LRCH2: variants seen among roughly 807,000 people sequenced by gnomAD.
The protein encoded by LRCH2 is leucine-rich repeat and calponin homology domain-containing protein 2.
LRCH2 carries 38 observed loss-of-function variants against 68.9 expected under a neutral mutation model. That is an observed-to-expected ratio of 0.55 (90% confidence interval 0.43 to 0.72). The LOEUF (loss-of-function observed/expected upper bound fraction) is 0.72. Ranked by LOEUF, LRCH2 falls within the 30% of genes least tolerant of loss-of-function variation. The pLI is 0.00. For synonymous variants in LRCH2, 191 were observed against 208.1 expected (o/e 0.92, Z 0.71); for missense variants, 528 against 572.9 (o/e 0.92, Z 0.80).
At chrX:115,127,976 A>G (rs1419432601) in intron 15 of LRCH2, among the ~76,000 whole-genome samples, 1 of 111,415 alleles carries the variant, frequency 9.0e-6, no homozygotes, top group Non-Finnish European at 1.9e-5. Context: ...CAAGCAAGGG[A>G]ATGGCCTGAT....
chrX:115,223,496 T>C (rs112108642), intron 1 of LRCH2, among the ~76,000 whole-genome samples: 2,898 of 109,957 alleles, frequency 0.026, 89 homozygotes, highest in African/African-American at 0.091. Context: ...GACACCCCAA[T>C]TAGTAAATGG....
chrX:115,122,865 A>T lies in LRCH2; in HGVS notation c.1995T>A (p.Pro665=), dbSNP rs2072155482. The T allele has an allele frequency of 8.3e-7, 1 of 1,209,015 alleles. No homozygotes were observed. The highest frequency in any genetic ancestry group is 1.7e-5 in the African/African-American group (1 of 57,807). Residue 665 remains proline (P), a synonymous_variant, in exon 19 of 21, where the codon CCT becomes CCA. Transcript: ENST00000317135. ...CCATCAGTGCAGCTCCAATGTCATC[A>T]GGCAAAATTACTTTTAACCTGGATT... The part of the protein sequence containing the change: ...NLESRLKVIL[P]DDIGAALMDG...
chrX:115,229,458 T>C (rs2073139709), intron 1 of LRCH2, among the ~76,000 whole-genome samples: 1 of 111,784 alleles, frequency 8.9e-6, no homozygotes, highest in Non-Finnish European at 1.9e-5. Flanking sequence ...TAAAAATGTA[T>C]AAAGAGCTGT....
intron 1 of LRCH2, among the ~76,000 whole-genome samples, chrX:115,210,156 T>C (rs1434847540): frequency 1.8e-5 from 2 of 112,024 alleles, no homozygotes; most frequent in Non-Finnish European, 3.8e-5. Flanking sequence ...GACCCGAATG[T>C]TAATCCCCAA....
chrX:115,114,360 A>G (rs1247761313), intron 20 of LRCH2, among the ~76,000 whole-genome samples: 1 of 111,270 alleles, frequency 9.0e-6, no homozygotes, highest in African/African-American at 3.3e-5. Context: ...ATTTATTCAA[A>G]TAACCACTGA....
chrX:115,120,042 C>T (rs1384202536), intron 20 of LRCH2, among the ~76,000 whole-genome samples: 1 of 108,173 alleles, frequency 9.2e-6, no homozygotes, highest in Non-Finnish European at 1.9e-5. Context: ...AAGATTTAAA[C>T]GTTAGACCTA....
intron 1 of LRCH2, among the ~76,000 whole-genome samples, chrX:115,227,341 G>A (rs2147370149): frequency 9.3e-6 from 1 of 107,881 alleles, no homozygotes; most frequent in South Asian, 4.2e-4. Context: ...TCCTCTGGAG[G>A]CAACCTCTCC....
At chrX:115,203,056 A>T (rs2072940961) in intron 1 of LRCH2, among the ~76,000 whole-genome samples, 1 of 112,085 alleles carries the variant, frequency 8.9e-6, no homozygotes. Flanking sequence ...AAGAGGTTTA[A>T]TTGACTCACA....
At chrX:115,197,256 CAAAT>C (rs2072894379) in intron 1 of LRCH2, among the ~76,000 whole-genome samples, 1 of 110,288 alleles carries the variant, frequency 9.1e-6, no homozygotes, top group Non-Finnish European at 1.9e-5. Context: ...ATTATGGCCT[CAAAT>C]GAATGTAATA....
rs1236466767 is a variant in LRCH2 at position 115,111,165 on chromosome X, T to C, written c.*2051A>G. 1 of 111,755 alleles carries C rather than the reference T, an allele frequency of 8.9e-6. No individual in the cohort carries two copies. The allele number at this position is 111,755 out of a possible 1,213,427, so 9.2% of individuals were successfully genotyped here. A position where few individuals can be genotyped will look rare whatever the true frequency, so the allele number is the denominator to read the frequency against. ...TGGCACAAGAGTAAATGAACTGCCA[T>C]GATGTGGACCTCAGAGAAGCCCATC... On this transcript the variant is annotated 3_prime_UTR_variant, in exon 21 of 21. Coordinates refer to ENST00000317135, the MANE Select transcript of LRCH2 (RefSeq NM_020871.4).
chrX:115,228,511 T>C (rs1368443550), intron 1 of LRCH2, among the ~76,000 whole-genome samples: 2 of 111,169 alleles, frequency 1.8e-5, no homozygotes, highest in Non-Finnish European at 3.8e-5. Context: ...AGTTTCACTG[T>C]GTGCCTAGGA....
intron 1 of LRCH2, among the ~76,000 whole-genome samples, chrX:115,199,424 A>G (rs2072914511): frequency 8.9e-6 from 1 of 112,498 alleles, no homozygotes; most frequent in African/African-American, 3.2e-5. Flanking sequence ...CATTACTTGT[A>G]AAGACACATA....
chrX:115,226,077 G>A lies in LRCH2; in HGVS notation c.349+7616C>T, dbSNP rs782570020. Among the ~76,000 whole-genome samples, 6 of 111,068 alleles carry A rather than the reference G, an allele frequency of 5.4e-5. No individual in the cohort carries two copies. In the East Asian group the frequency reaches 1.7e-3, roughly 32 times the overall value. Reference sequence around the variant, plus strand: ...AAGTATATACACAAGAGAAATCCTTGCACAAGTACAAGAGACATGTATAAT... The same window carrying A: ...AAGTATATACACAAGAGAAATCCTTACACAAGTACAAGAGACATGTATAAT... On this transcript the variant is annotated intron_variant, in intron 1 of 20. Transcript: ENST00000317135.
chrX:115,152,015 T>C (rs2072435718), intron 12 of LRCH2, among the ~76,000 whole-genome samples: 1 of 111,476 alleles, frequency 9.0e-6, no homozygotes, highest in Admixed American at 9.6e-5. Context: ...CTGAGCGTAC[T>C]GATCATTGAA....
At chrX:115,227,167 T>C (rs782748836) in intron 1 of LRCH2, among the ~76,000 whole-genome samples, 15 of 110,350 alleles carry the variant, frequency 1.4e-4, no homozygotes, top group Non-Finnish European at 2.7e-4. Flanking sequence ...TGCAGGACTA[T>C]AGTCCAAGCT....
chrX:115,197,847 T>TCACACACACA lies in LRCH2; in HGVS notation c.350-9487_350-9478dup, dbSNP rs1556564243. Among the ~76,000 whole-genome samples the TCACACACACA allele has an allele frequency of 2.2e-3, 46 of 20,565 alleles. 1 individual carries two copies. The highest frequency in any genetic ancestry group is 8.7e-3 in the African/African-American group (45 of 5,182). The allele number at this position is 20,565 out of a possible 115,157, so 17.9% of individuals were successfully genotyped here. On this transcript the variant is annotated intron_variant, in intron 1 of 20. Coordinates refer to ENST00000317135, the MANE Select transcript of LRCH2 (RefSeq NM_020871.4). ...CTCTCTCTCTCTCTCTCTCTCTCTC[T>TCACACACACA]CACACACACACACACACACACACAC...
intron 1 of LRCH2, chrX:115,189,354 C>T (rs1271578339): frequency 2.0e-6 from 2 of 996,146 alleles, no homozygotes; most frequent in African/African-American, 1.9e-5. Flanking sequence ...CGGTAGGAGC[C>T]GCCCTCCACG....
At chrX:115,233,625 G>C (rs782594331) in intron 1 of LRCH2, 68 bp downstream of exon 1, 82 of 1,025,416 alleles carry the variant, frequency 8.0e-5, no homozygotes, top group Admixed American at 1.8e-4. Context: ...CAACAACGCA[G>C]CCACGCAGCC....
intron 1 of LRCH2, chrX:115,190,930 A>G: frequency 8.6e-7 from 1 of 1,160,493 alleles, no homozygotes; most frequent in Non-Finnish European, 1.1e-6. Flanking sequence ...GGGCCACGAC[A>G]ATTCCAGCTG....
Sources: gnomAD v4.1 joint callset for allele counts (sites outside exome capture counted in the v4.1 genomes callset) on GRCh38, gnomAD v4.1.1 for gene constraint, MANE v1.5 for transcripts, NCBI Gene and HGNC (gene_info 2026-07-23, HGNC 2026-07-21) for gene names.